The following ORC4 variants were observed in gnomAD, a reference collection of about 807,000 sequenced individuals.
ORC4 encodes the protein origin recognition complex, subunit 4 homolog.
A neutral mutation model predicts 63.9 loss-of-function variants in ORC4; 55 were observed. That is an observed-to-expected ratio of 0.86 (90% CI 0.69 to 1.08). The LOEUF (loss-of-function observed/expected upper bound fraction) is 1.08, where lower values mean the gene tolerates loss of function less well. Ranked by LOEUF, ORC4 falls within the 50% of genes least tolerant of loss-of-function variation. ORC4 has a pLI of 0.00. For synonymous variants in ORC4, 150 were observed against 168.5 expected, an observed-to-expected ratio of 0.89 and a Z score of 0.85; for missense variants, 511 against 504.4, an observed-to-expected ratio of 1.01 and a Z score of -0.13.
chr2:147,991,769 A>G (rs1461621651), intron 1 of ORC4, among the ~76,000 whole-genome samples: 1 of 152,178 alleles, frequency 6.6e-6, no homozygotes, highest in South Asian at 2.1e-4. Context: ...CGGAGGCTGC[A>G]GTAAGCGGAG....
chr2:148,014,640 A>G (rs2105474072), intron 1 of ORC4, among the ~76,000 whole-genome samples: 1 of 152,346 alleles, frequency 6.6e-6, no homozygotes, highest in Admixed American at 6.5e-5. Context: ...ATAGCCACAG[A>G]TTCACTCAAC....
Position 147,980,766 on chromosome 2 carries a change from A to G in ORC4, c.-17-4791T>C, listed in dbSNP as rs1690837458. Among the ~76,000 whole-genome samples, 3 of 152,204 alleles carry G rather than the reference A, an allele frequency of 2.0e-5. No individual in the cohort carries two copies. In the South Asian group the frequency reaches 6.2e-4, roughly 31 times the overall value. On this transcript the variant is annotated intron_variant, in intron 1 of 13. Transcript: ENST00000392857. ...AAGGAAACTCTTGTACACTGTTGGT[A>G]AAAATGTAAATTAGTATAATCATTA...
At chr2:147,935,750 T>C in intron 13 of ORC4, 52 bp from the exon 14 acceptor site, 1 of 1,438,048 alleles carries the variant, frequency 7.0e-7, no homozygotes, top group Non-Finnish European at 9.8e-7. Context: ...GAGTGACAAC[T>C]CTCCTGTTCT....
At position 147,933,478 on chromosome 2, in the gene ORC4, T is replaced by C. The variant is rs1251891244; in HGVS notation, c.*2032A>G. The C allele has an allele frequency of 1.3e-5, 2 of 152,100 alleles. No homozygotes were observed. The highest frequency in any genetic ancestry group is 4.8e-5 in the African/African-American group (2 of 41,426). 9.4% of individuals were successfully genotyped at this position (152,100 alleles called of 1,614,324 possible). A position where few individuals can be genotyped will look rare whatever the true frequency, so the allele number is the denominator to read the frequency against. On this transcript the variant is annotated 3_prime_UTR_variant, in exon 14 of 14. Transcript: ENST00000392857. ...ATGTATTTTTTTTTAATTTGCTTTA[T>C]AACGGTTTCATGTTTACCTCAATTG...
At chr2:147,955,154 A>G (rs1024058379) in intron 7 of ORC4, among the ~76,000 whole-genome samples, 193 bp downstream of exon 7, 4 of 151,984 alleles carry the variant, frequency 2.6e-5, no homozygotes, top group African/African-American at 9.7e-5. Flanking sequence ...TTGAATAAAG[A>G]TAAGAAACCA....
At position 148,005,656 on chromosome 2, in the gene ORC4, C is replaced by CAAAAAAAAAAAAAAAAAAAAAAA. The variant is rs55869341; in HGVS notation, c.-18+14954_-18+14976dup. Among the ~76,000 whole-genome samples the CAAAAAAAAAAAAAAAAAAAAAAA allele has an allele frequency of 3.9e-5, 2 of 51,490 alleles. 1 individual carries two copies. Among genetic ancestry groups the CAAAAAAAAAAAAAAAAAAAAAAA allele is most frequent in the Non-Finnish European group, 6.9e-5 (2 of 29,172 alleles). 33.8% of individuals were successfully genotyped at this position (51,490 alleles called of 152,430 possible). A position where few individuals can be genotyped will look rare whatever the true frequency, so the allele number is the denominator to read the frequency against. Reference sequence around the variant, plus strand: ...ACACCAAACTGAACAACTATCCATGCAAAAAAAAAAAAAAAAAAAAAAAAC... The same window carrying CAAAAAAAAAAAAAAAAAAAAAAA: ...ACACCAAACTGAACAACTATCCATGCAAAAAAAAAAAAAAAAAAAAAAAAAAAAAAAAAAAAAAAAAAAAAAAC... On this transcript the variant is annotated intron_variant, in intron 1 of 13. Coordinates refer to ENST00000392857, the MANE Select transcript of ORC4 (RefSeq NM_181741.4).
chr2:147,975,184 A>AGG (rs1690471665), intron 2 of ORC4, among the ~76,000 whole-genome samples: 2 of 152,296 alleles, frequency 1.3e-5, no homozygotes, highest in South Asian at 2.1e-4. Flanking sequence ...CAGGGTAGAA[A>AGG]TACCATGCTC....
rs535163276 is a variant in ORC4, at chr2:147,939,279, C to T, written c.850-31G>A. On this transcript the variant is annotated intron_variant, in intron 10 of 13. Transcript: ENST00000392857. ...GAAAGACAGATCAGAAAAACAATTACGTATTTACATGGGCATTTTGGAGAT... is the reference window on the plus strand; with the variant it reads ...GAAAGACAGATCAGAAAAACAATTATGTATTTACATGGGCATTTTGGAGAT... 8.0e-5 allele frequency: 112 copies of T among 1,401,744 alleles called. 2 individuals carry two copies. The South Asian group carries it at 1.0e-3, about 13-fold the overall frequency. 86.8% of individuals were successfully genotyped at this position (1,401,744 alleles called of 1,614,324 possible).
intron 1 of ORC4, among the ~76,000 whole-genome samples, chr2:148,020,399 C>T (rs1693628385): frequency 6.6e-6 from 1 of 152,160 alleles, no homozygotes; most frequent in Non-Finnish European, 1.5e-5. Context: ...ACTCAGGATC[C>T]CTGCACTTGT....
chr2:148,005,646 A>G (rs1175892853), intron 1 of ORC4, among the ~76,000 whole-genome samples: 1 of 135,454 alleles, frequency 7.4e-6, no homozygotes. Context: ...AAACTGAACA[A>G]CTATCCATGC....
rs1687983283 is a variant in ORC4 at position 147,935,226 on chromosome 2, A to ATT, written c.*282_*283dup. On this transcript the variant is annotated 3_prime_UTR_variant, in exon 14 of 14. Coordinates refer to ENST00000392857, the MANE Select transcript of ORC4 (RefSeq NM_181741.4). The stretch of plus-strand genomic sequence containing the variant: ...TTGAAGTGAGCTCTTCAAATAGACC[A>ATT]TTATATATATAAGTGTTAAAAAAGC... The ATT allele has an allele frequency of 7.4e-6, 3 of 405,502 alleles. No homozygotes were observed. Among genetic ancestry groups the ATT allele is most frequent in the Non-Finnish European group, 1.4e-5 (3 of 218,640 alleles). 25.1% of individuals were successfully genotyped at this position (405,502 alleles called of 1,614,324 possible).
intron 7 of ORC4, among the ~76,000 whole-genome samples, chr2:147,953,623 A>G (rs922233414): frequency 1.3e-5 from 2 of 152,202 alleles, no homozygotes; most frequent in East Asian, 1.9e-4. Context: ...ATAAAGTTCA[A>G]CTAAAGCCAC....
chr2:148,002,727 T>C (rs745839388), intron 1 of ORC4, among the ~76,000 whole-genome samples: 22 of 150,902 alleles, frequency 1.5e-4, no homozygotes, highest in Non-Finnish European at 2.7e-4. Context: ...GCAAACAAAT[T>C]CAAAAGCCAG....
At chr2:147,969,795 C>T (rs1012344883) in intron 4 of ORC4, among the ~76,000 whole-genome samples, 1 of 151,702 alleles carries the variant, frequency 6.6e-6, no homozygotes, top group African/African-American at 2.4e-5. Flanking sequence ...TAAATTTATA[C>T]TAAATCAGTA....
At chr2:147,988,656 C>T (rs561104452) in intron 1 of ORC4, among the ~76,000 whole-genome samples, 8 of 152,152 alleles carry the variant, frequency 5.3e-5, no homozygotes, top group Admixed American at 2.6e-4. Flanking sequence ...CCCAGCCTCA[C>T]TTGCTGAATT....
chr2:147,986,383 T>G (rs1691201602), intron 1 of ORC4, among the ~76,000 whole-genome samples: 1 of 152,112 alleles, frequency 6.6e-6, no homozygotes, highest in African/African-American at 2.4e-5. Context: ...AAGCTATACT[T>G]GCATCAATAA....
In ORC4 at chr2:147,931,181, T is replaced by A. The variant is rs1687711696; in HGVS notation, c.*4329A>T. ...TTCATCCATGTCCCTACAAAGGACA[T>A]GAACTCATCATTTTTTATGGCTGCA... On this transcript the variant is annotated 3_prime_UTR_variant, in exon 14 of 14. Transcript: ENST00000392857. 6.6e-6 allele frequency: 1 copy of A among 151,014 alleles called. No homozygotes were observed. Among genetic ancestry groups the A allele is most frequent in the South Asian group, 2.1e-4 (1 of 4,732 alleles). The allele number at this position is 151,014 out of a possible 1,614,324, so 9.4% of individuals were successfully genotyped here.
At chr2:147,958,642 T>G (rs1403208796) in intron 5 of ORC4, 149 bp downstream of exon 5, 1 of 592,338 alleles carries the variant, frequency 1.7e-6, no homozygotes, top group Non-Finnish European at 3.0e-6. Flanking sequence ...ATTATTTTAA[T>G]TTCTAAAAAT....
chr2:147,956,672 G>C (rs2105309643), intron 6 of ORC4, among the ~76,000 whole-genome samples: 1 of 152,066 alleles, frequency 6.6e-6, no homozygotes, highest in East Asian at 1.9e-4. Flanking sequence ...GTACATTGAA[G>C]AATTTATGTA....
Sources: gnomAD v4.1 joint callset for allele counts (sites outside exome capture counted in the v4.1 genomes callset) on GRCh38, gnomAD v4.1.1 for gene constraint, MANE v1.5 for transcripts, NCBI Gene and HGNC (gene_info 2026-07-23, HGNC 2026-07-21) for gene names.